ZNF678: variants seen among roughly 807,000 people sequenced by gnomAD.
The protein encoded by ZNF678 is hypothetical protein MGC42493.
In ZNF678, 5 loss-of-function variants were observed where a neutral mutation model predicts 3.0. The observed-to-expected ratio is 1.69, with a 90% CI of 0.88 to 3.56. The LOEUF is 3.56. ZNF678 is among the 30% of genes most tolerant of loss of function. ZNF678 has a pLI of 0.00. For missense variants in ZNF678, 593 were observed against 605.0 expected (o/e 0.98, Z 0.21); for synonymous variants, 218 against 199.6 (o/e 1.09, Z -0.78).
chr1:227,586,967 A>C (rs1657278364), intron 1 of ZNF678, among the ~76,000 whole-genome samples: 1 of 152,172 alleles, frequency 6.6e-6, no homozygotes, highest in Non-Finnish European at 1.5e-5. Context: ...GATAGGCTGC[A>C]CCTAAATGGC....
At chr1:227,603,763 G>A (rs1386623934) in intron 1 of ZNF678, among the ~76,000 whole-genome samples, 2 of 152,122 alleles carry the variant, frequency 1.3e-5, no homozygotes, top group Non-Finnish European at 2.9e-5. Flanking sequence ...GAGCTTCTAG[G>A]ATGTATTCAG....
At chr1:227,650,845 A>G (rs1289846184) in intron 2 of ZNF678, 111 bp from the exon 3 acceptor site, 6 of 746,362 alleles carry the variant, frequency 8.0e-6, no homozygotes, top group Non-Finnish European at 1.2e-5. Context: ...TTTATTTGTT[A>G]TGGCTTTCTA....
chr1:227,601,511 G>A (rs55963336), intron 1 of ZNF678, among the ~76,000 whole-genome samples: 4 of 149,708 alleles, frequency 2.7e-5, no homozygotes, highest in African/African-American at 9.8e-5. Flanking sequence ...TGACAATTGT[G>A]AATGGGATTC....
At position 227,658,714 on chromosome 1, in the gene ZNF678, G is replaced by A. The variant is rs1157021975; in HGVS notation, c.*2886G>A. 1.3e-5 allele frequency: 2 copies of A among 151,946 alleles called. No individual in the cohort carries two copies. The highest frequency in any genetic ancestry group is 1.3e-4 in the Admixed American group (2 of 15,230). 9.4% of individuals were successfully genotyped at this position (151,946 alleles called of 1,614,324 possible). ...ATTGGATTTAACTGGAGAGTTTGAG[G>A]ACATTTTTAAGTTAGAAATGCACCA... On this transcript the variant is annotated 3_prime_UTR_variant, in exon 4 of 4. Coordinates refer to ENST00000343776, the MANE Select transcript of ZNF678 (RefSeq NM_001367909.1).
At chr1:227,621,333 A>T (rs533996129) in intron 1 of ZNF678, among the ~76,000 whole-genome samples, 2 of 152,358 alleles carry the variant, frequency 1.3e-5, no homozygotes, top group East Asian at 3.9e-4. Context: ...ATAACAATGT[A>T]GGCATAAGTA....
Position 227,600,447 on chromosome 1 carries a change from TTTG to T in ZNF678, c.-164+36726_-164+36728del, listed in dbSNP as rs369238936. 5.9e-5 allele frequency among the ~76,000 whole-genome samples: 9 copies of T among 152,220 alleles called. 1 individual carries two copies. The highest frequency in any genetic ancestry group is 2.2e-4 in the African/African-American group (9 of 41,560). On this transcript the variant is annotated intron_variant, in intron 1 of 3. Transcript: ENST00000343776. ...TACCAACAGTGTATAAGCGTTTTGT[TTTG>T]TTTTGTTATTTTCTGACTTTTTAGT... is the stretch of plus-strand genomic sequence containing the variant.
chr1:227,665,318 G>A (rs1659482951), downstream of ZNF678, among the ~76,000 whole-genome samples: 1 of 152,180 alleles, frequency 6.6e-6, no homozygotes, highest in Non-Finnish European at 1.5e-5. Flanking sequence ...ACATTCCAGT[G>A]ACTTTCCATT....
chr1:227,676,853 A>G (rs1313603494), intron 5 of ZNF678, among the ~76,000 whole-genome samples: 2 of 152,038 alleles, frequency 1.3e-5, no homozygotes, highest in Non-Finnish European at 2.9e-5. Flanking sequence ...ACATGAACTC[A>G]TCATTTTTTA....
At chr1:227,647,018 C>T (rs1017623341) in intron 2 of ZNF678, among the ~76,000 whole-genome samples, 20 of 151,946 alleles carry the variant, frequency 1.3e-4, no homozygotes, top group Admixed American at 1.1e-3. Context: ...TTTGGGAGGC[C>T]GAGGTGGGCA....
intron 1 of ZNF678, among the ~76,000 whole-genome samples, chr1:227,619,440 G>A (rs550237475): frequency 1.3e-5 from 2 of 152,238 alleles, no homozygotes; most frequent in South Asian, 2.1e-4. Context: ...GTTGTGGGAC[G>A]GAGCCTCGAA....
chr1:227,589,952 G>C (rs1657366902), intron 1 of ZNF678, among the ~76,000 whole-genome samples: 1 of 151,664 alleles, frequency 6.6e-6, no homozygotes, highest in African/African-American at 2.4e-5. Context: ...TTTTATTAGT[G>C]GGAGTTCTCA....
downstream of ZNF678, among the ~76,000 whole-genome samples, chr1:227,666,716 CCTTTTT>C (rs1323026522): frequency 6.7e-6 from 1 of 150,178 alleles, no homozygotes; most frequent in African/African-American, 2.5e-5. Context: ...CACGCTCTCT[CCTTTTT>C]CTTTTCTTTT....
Position 227,656,007 on chromosome 1 carries a change from CAG to C in ZNF678, c.*181_*182del, listed in dbSNP as rs764794164. On this transcript the variant is annotated 3_prime_UTR_variant, in exon 4 of 4. Coordinates refer to ENST00000343776, the MANE Select transcript of ZNF678 (RefSeq NM_001367909.1). ...TTTATTTCAAAGATCTTCCTGTAAA[CAG>C]AATCTGTACTAGAGGAAAAACCCTT... 2.0e-6 allele frequency: 1 copy of C among 497,654 alleles called. No individual in the cohort carries two copies. Among genetic ancestry groups the C allele is most frequent in the African/African-American group, 2.0e-5 (1 of 50,228 alleles). The allele number at this position is 497,654 out of a possible 1,614,324, so 30.8% of individuals were successfully genotyped here. A position where few individuals can be genotyped will look rare whatever the true frequency, so the allele number is the denominator to read the frequency against.
At chr1:227,667,531 G>T (rs1474354650) in intron 5 of ZNF678, among the ~76,000 whole-genome samples, 1 of 152,128 alleles carries the variant, frequency 6.6e-6, no homozygotes, top group Non-Finnish European at 1.5e-5. Flanking sequence ...CTGAGAAGAC[G>T]AGGAGATTGG....
intron 1 of ZNF678, among the ~76,000 whole-genome samples, chr1:227,572,597 C>T (rs1016390268): frequency 6.6e-6 from 1 of 152,228 alleles, no homozygotes; most frequent in Admixed American, 6.5e-5. Flanking sequence ...CATCATCATC[C>T]CGGTACCCAG....
intron 1 of ZNF678, among the ~76,000 whole-genome samples, chr1:227,636,288 G>T (rs973119546): frequency 6.6e-6 from 1 of 152,140 alleles, no homozygotes; most frequent in Non-Finnish European, 1.5e-5. Context: ...TGTTTGAAGC[G>T]ATTTCTAGAA....
intron 5 of ZNF678, among the ~76,000 whole-genome samples, chr1:227,669,131 A>G (rs185628711): frequency 4.7e-4 from 72 of 152,084 alleles, no homozygotes; most frequent in African/African-American, 1.5e-3. Context: ...TAAACAAACA[A>G]CCTACACAAT....
downstream of ZNF678, among the ~76,000 whole-genome samples, chr1:227,665,976 A>AT (rs1394386757): frequency 1.3e-5 from 2 of 151,502 alleles, no homozygotes; most frequent in African/African-American, 4.9e-5. Flanking sequence ...TGTTTTAATG[A>AT]TTTTTCCTGA....
At chr1:227,576,950 T>C (rs1657002029) in intron 1 of ZNF678, among the ~76,000 whole-genome samples, 1 of 152,222 alleles carries the variant, frequency 6.6e-6, no homozygotes, top group South Asian at 2.1e-4. Flanking sequence ...TCTCATTAGT[T>C]TCAAAGAACT....
Sources: allele counts gnomAD v4.1 joint callset (sites outside exome capture counted in the v4.1 genomes callset), GRCh38; gene constraint gnomAD v4.1.1; transcripts MANE v1.5; gene names NCBI Gene and HGNC (gene_info 2026-07-23, HGNC 2026-07-21).